Variants in NRG1 observed in about 807,000 individuals in gnomAD.
The protein encoded by NRG1 is pro-neuregulin-1, membrane-bound isoform.
NRG1 carries 18 observed loss-of-function variants against 63.8 expected under a neutral mutation model. The ratio of observed to expected loss-of-function variants is 0.28; its 90% CI spans 0.19 to 0.42. NRG1 has a LOEUF of 0.42. NRG1 is among the 10% of genes least tolerant of loss of function. The probability of loss-of-function intolerance (pLI) is 1.00; values close to 1 mark genes in which losing one functional copy is unlikely to be tolerated. For missense variants in NRG1, 762 were observed against 814.7 expected, an observed-to-expected ratio of 0.94 and a Z score of 0.79; for synonymous variants, 302 against 301.3, an observed-to-expected ratio of 1.00 and a Z score of -0.02.
intron 1 of NRG1, among the ~76,000 whole-genome samples, chr8:32,115,504 C>T (rs1023212412): frequency 2.3e-4 from 35 of 151,958 alleles, no homozygotes; most frequent in African/African-American, 8.2e-4. Flanking sequence ...GGAAATTGAT[C>T]ATCATAAAGT....
At chr8:31,982,828 G>A (rs1388758127) in intron 1 of NRG1, among the ~76,000 whole-genome samples, 1 of 151,944 alleles carries the variant, frequency 6.6e-6, no homozygotes, top group Non-Finnish European at 1.5e-5. Context: ...GAGGCTATTG[G>A]GCATAGGCAC....
At chr8:31,932,629 A>G (rs1834959204) in intron 1 of NRG1, among the ~76,000 whole-genome samples, 1 of 152,182 alleles carries the variant, frequency 6.6e-6, no homozygotes, top group Non-Finnish European at 1.5e-5. Context: ...GTATGTTGAG[A>G]TGATATTTTC....
intron 1 of NRG1, among the ~76,000 whole-genome samples, chr8:31,955,880 A>G (rs535866040): frequency 1.5e-4 from 23 of 151,878 alleles, no homozygotes; most frequent in African/African-American, 5.6e-4. Flanking sequence ...CTACTTCAAA[A>G]AAAAGAAAAA....
At chr8:31,979,276 G>A (rs570448163) in intron 1 of NRG1, among the ~76,000 whole-genome samples, 12 of 152,200 alleles carry the variant, frequency 7.9e-5, no homozygotes, top group African/African-American at 2.9e-4. Context: ...CAGGATAATG[G>A]AGCTAAACCT....
intron 1 of NRG1, among the ~76,000 whole-genome samples, chr8:31,705,710 A>G (rs1282498266): frequency 6.6e-6 from 1 of 152,152 alleles, no homozygotes; most frequent in Admixed American, 6.5e-5. Flanking sequence ...CTAAAGAGTG[A>G]TAATTGGGGA....
chr8:31,669,809 CT>C (rs1563275185), intron 1 of NRG1, among the ~76,000 whole-genome samples: 1 of 152,192 alleles, frequency 6.6e-6, no homozygotes, highest in East Asian at 1.9e-4. Flanking sequence ...CTGGGAGGGC[CT>C]TTTTTCCCTT....
intron 2 of NRG1, among the ~76,000 whole-genome samples, chr8:32,596,686 A>C (rs1191920385): frequency 6.6e-6 from 1 of 152,174 alleles, no homozygotes; most frequent in African/African-American, 2.4e-5. Context: ...TTAAAATCAC[A>C]ACTTCATTGT....
intron 1 of NRG1, among the ~76,000 whole-genome samples, chr8:31,650,499 C>T (rs887567242): frequency 2.0e-5 from 3 of 152,264 alleles, no homozygotes; most frequent in Admixed American, 6.5e-5. Flanking sequence ...TCCTCTGCCT[C>T]GATCTTCTTC....
intron 11 of NRG1, chr8:32,763,301 G>C (rs1831045997): frequency 1.2e-6 from 2 of 1,613,872 alleles, no homozygotes; most frequent in Admixed American, 3.3e-5. Flanking sequence ...ACTCATCTTA[G>C]ATCTTCTTCC....
At chr8:31,662,036 A>G (rs112137889) in intron 1 of NRG1, among the ~76,000 whole-genome samples, 1 of 152,362 alleles carries the variant, frequency 6.6e-6, no homozygotes, top group African/African-American at 2.4e-5. Flanking sequence ...TCTAGTCTAT[A>G]CCCTGACCAC....
chr8:32,441,501 C>G (rs1819540840), intron 1 of NRG1: 1 of 152,044 alleles, frequency 6.6e-6, no homozygotes, highest in South Asian at 2.1e-4. Context: ...TGCCTGTAGT[C>G]CTAGCTACTC....
At chr8:32,116,690 T>C (rs981950943) in intron 1 of NRG1, among the ~76,000 whole-genome samples, 2 of 152,070 alleles carry the variant, frequency 1.3e-5, no homozygotes, top group Non-Finnish European at 2.9e-5. Context: ...TAAGTAAGGA[T>C]CTTTTAATTC....
intron 1 of NRG1, among the ~76,000 whole-genome samples, chr8:31,903,707 C>T (rs901164239): frequency 2.0e-5 from 3 of 152,120 alleles, no homozygotes; most frequent in African/African-American, 7.2e-5. Context: ...GTAATCCCAG[C>T]CCTTCGGGAG....
chr8:32,413,423 T>C (rs1008388419), intron 1 of NRG1, among the ~76,000 whole-genome samples: 14 of 152,192 alleles, frequency 9.2e-5, no homozygotes, highest in African/African-American at 2.7e-4. Flanking sequence ...TGAAATTACA[T>C]TTTACCATGT....
chr8:32,323,490 G>C (rs1166039943), intron 1 of NRG1, among the ~76,000 whole-genome samples: 1 of 152,150 alleles, frequency 6.6e-6, no homozygotes, highest in Non-Finnish European at 1.5e-5. Context: ...GGGCTCACCC[G>C]CCCATCTCTT....
chr8:32,105,637 T>A (rs926340691), intron 1 of NRG1, among the ~76,000 whole-genome samples: 20 of 152,254 alleles, frequency 1.3e-4, no homozygotes, highest in African/African-American at 3.8e-4. Context: ...AATAGTTTTT[T>A]TTAAATCCCT....
At chr8:32,068,657 C>T (rs971224627) in intron 1 of NRG1, among the ~76,000 whole-genome samples, 3 of 152,138 alleles carry the variant, frequency 2.0e-5, no homozygotes, top group South Asian at 4.1e-4. Context: ...AGAAAAAGTC[C>T]TCTACAAAAA....
intron 1 of NRG1, among the ~76,000 whole-genome samples, chr8:31,921,097 A>G (rs1186264360): frequency 1.3e-5 from 2 of 152,194 alleles, no homozygotes; most frequent in African/African-American, 4.8e-5. Context: ...TTCTGGTACA[A>G]AATTACAATA....
At chr8:32,083,232 G>A (rs1033569611) in intron 1 of NRG1, among the ~76,000 whole-genome samples, 1 of 152,166 alleles carries the variant, frequency 6.6e-6, no homozygotes, top group East Asian at 1.9e-4. Context: ...ACCAGGTGAT[G>A]GTTAGGAAAC....
Sources: allele counts gnomAD v4.1 joint callset (sites outside exome capture counted in the v4.1 genomes callset), GRCh38; gene constraint gnomAD v4.1.1; transcripts MANE v1.5; gene names NCBI Gene and HGNC (gene_info 2026-07-23, HGNC 2026-07-21).